YWHAB: variants seen among roughly 807,000 people sequenced by gnomAD.
The protein encoded by YWHAB is 14-3-3 protein beta/alpha.
Under a neutral mutation model 28.5 loss-of-function variants are expected in YWHAB, and 2 were observed. The observed-to-expected ratio is 0.07, with a 90% CI of 0.03 to 0.22. The LOEUF (loss-of-function observed/expected upper bound fraction) is 0.22, where lower values mean the gene tolerates loss of function less well. YWHAB is among the 10% of genes least tolerant of loss of function. The probability of loss-of-function intolerance (pLI) is 1.00; values close to 1 mark genes in which losing one functional copy is unlikely to be tolerated. For synonymous variants in YWHAB, 103 were observed against 104.7 expected, an observed-to-expected ratio of 0.98 and a Z score of 0.10; for missense variants, 148 against 297.1, an observed-to-expected ratio of 0.50 and a Z score of 3.69.
chr20:44,892,530 T>C (rs987075990), intron 1 of YWHAB, among the ~76,000 whole-genome samples: 1 of 152,178 alleles, frequency 6.6e-6, no homozygotes, highest in Non-Finnish European at 1.5e-5. Context: ...TCTTTTAAAT[T>C]CCTCTCAATG....
At chr20:44,902,061 A>G in intron 2 of YWHAB, 2 of 433,938 alleles carry the variant, frequency 4.6e-6, no homozygotes, top group Non-Finnish European at 7.9e-6. Context: ...TATCAAAAAG[A>G]CCTGTGAAAA....
At chr20:44,904,548 G>GT (rs1009205487) in intron 3 of YWHAB, among the ~76,000 whole-genome samples, 2 of 152,112 alleles carry the variant, frequency 1.3e-5, no homozygotes, top group African/African-American at 2.4e-5. Flanking sequence ...TACGAGTTAG[G>GT]TGGCAGGCTG....
intron 1 of YWHAB, 85 bp from the exon 2 acceptor site, chr20:44,901,446 G>T: frequency 7.3e-7 from 1 of 1,365,478 alleles, no homozygotes; most frequent in South Asian, 1.4e-5. Flanking sequence ...CTGCTTTCCA[G>T]ATGGGTTGGA....
Position 44,901,782 on chromosome 20 carries a change from G to C in YWHAB, c.249G>C (p.Glu83Asp). Reference protein sequence around the residue: ...RNEKKQQMGKEYREKIEAELQ... With the variant: ...RNEKKQQMGKDYREKIEAELQ... ...AGAAGAAGCAGCAGATGGGCAAAGA[G>C]TACCGTGAGAAGATAGAGGCAGAAC... is the stretch of plus-strand genomic sequence containing the variant. Residue 83 changes from glutamate to aspartate, a missense_variant, in exon 2 of 6, where the codon GAG becomes GAC. By Grantham distance (45) the Glu-to-Asp change is conservative. This residue lies in a region of YWHAB where 110 missense variants were observed against 177.9 expected (regional missense o/e 0.62). Transcript: ENST00000353703. The C allele has an allele frequency of 6.2e-7, 1 of 1,612,264 alleles. No homozygotes were observed. Among genetic ancestry groups the C allele is most frequent in the East Asian group, 2.2e-5 (1 of 44,846 alleles).
intron 1 of YWHAB, among the ~76,000 whole-genome samples, chr20:44,892,683 A>G (rs972605802): frequency 1.1e-4 from 16 of 152,250 alleles, no homozygotes; most frequent in African/African-American, 3.4e-4. Flanking sequence ...TACTCTAACC[A>G]GCACTATATG....
chr20:44,893,919 A>ACTC (rs1480486785), intron 1 of YWHAB, among the ~76,000 whole-genome samples: 1 of 151,538 alleles, frequency 6.6e-6, no homozygotes, highest in African/African-American at 2.4e-5. Flanking sequence ...CTGGTCTCGA[A>ACTC]CTCCTGACTT....
intron 1 of YWHAB, among the ~76,000 whole-genome samples, chr20:44,890,961 A>G (rs2066557985): frequency 6.6e-6 from 1 of 152,188 alleles, no homozygotes; most frequent in Non-Finnish European, 1.5e-5. Context: ...GAGTACGTGT[A>G]AAATAAATGA....
rs970028449 is a variant in YWHAB, at chr20:44,907,740, G to T, written c.*1302G>T. The T allele has an allele frequency of 3.3e-5, 5 of 152,144 alleles. No individual in the cohort carries two copies. Among genetic ancestry groups the T allele is most frequent in the Non-Finnish European group, 7.3e-5 (5 of 68,036 alleles). 9.4% of individuals were successfully genotyped at this position (152,144 alleles called of 1,614,324 possible). On this transcript the variant is annotated 3_prime_UTR_variant, in exon 6 of 6. Transcript: ENST00000353703. ...GTGAGAGACATTACTGAGCACCTTG[G>T]TGAGCAAGCCTGGCTTTAAAGATTG...
chr20:44,906,526 A>C lies in YWHAB; in HGVS notation c.*88A>C, dbSNP rs1035119422. ...CGATAAAAAAAAAAAAAAAAAAAAA[A>C]AGAGAATCGTACGTCGACTTTCGAT... On this transcript the variant is annotated 3_prime_UTR_variant, in exon 6 of 6. Coordinates refer to ENST00000353703, the MANE Select transcript of YWHAB (RefSeq NM_139323.4). 4 of 613,770 alleles carry C rather than the reference A, an allele frequency of 6.5e-6. No individual in the cohort carries two copies. The East Asian group carries it at 1.0e-4, about 16-fold the overall frequency. The allele number at this position is 613,770 out of a possible 1,614,324, so 38.0% of individuals were successfully genotyped here. A position where few individuals can be genotyped will look rare whatever the true frequency, so the allele number is the denominator to read the frequency against.
intron 1 of YWHAB, among the ~76,000 whole-genome samples, chr20:44,898,443 T>G (rs1476724738): frequency 6.6e-6 from 1 of 152,144 alleles, no homozygotes; most frequent in East Asian, 1.9e-4. Flanking sequence ...ATTTCTCTCT[T>G]GAAAATACAG....
intron 1 of YWHAB, among the ~76,000 whole-genome samples, chr20:44,889,928 G>T (rs1333703167): frequency 6.6e-6 from 1 of 152,082 alleles, no homozygotes; most frequent in Non-Finnish European, 1.5e-5. Flanking sequence ...ATTAATGTTG[G>T]TTTAGATCCC....
intron 1 of YWHAB, among the ~76,000 whole-genome samples, chr20:44,894,654 T>C (rs1568930038): frequency 6.6e-6 from 1 of 152,254 alleles, no homozygotes; most frequent in African/African-American, 2.4e-5. Context: ...TGGAGAAGAA[T>C]AATAGTACTT....
intron 1 of YWHAB, chr20:44,886,517 GC>G (rs1302055470): frequency 5.9e-5 from 9 of 152,238 alleles, no homozygotes; most frequent in African/African-American, 2.2e-4. Context: ...GTTTGTTGGA[GC>G]CGGTTACTGA....
At chr20:44,905,774 A>AG (rs1470579814) in intron 4 of YWHAB, 1 of 436,444 alleles carries the variant, frequency 2.3e-6, no homozygotes, top group Admixed American at 3.7e-5. Context: ...CTTAGTTATT[A>AG]GGTACAGCAA....
intron 3 of YWHAB, 96 bp from the exon 4 acceptor site, chr20:44,904,872 C>T: frequency 1.6e-6 from 2 of 1,268,276 alleles, no homozygotes; most frequent in South Asian, 1.8e-5. Context: ...ATTGCTCCTG[C>T]CCAGTTTGGG....
At chr20:44,890,099 A>G (rs892172882) in intron 1 of YWHAB, among the ~76,000 whole-genome samples, 2 of 152,160 alleles carry the variant, frequency 1.3e-5, no homozygotes, top group Admixed American at 6.5e-5. Flanking sequence ...TATTTTTGTT[A>G]TTTACTAAAC....
intron 1 of YWHAB, among the ~76,000 whole-genome samples, chr20:44,898,034 A>G (rs866295705): frequency 6.6e-6 from 1 of 152,128 alleles, no homozygotes; most frequent in Non-Finnish European, 1.5e-5. Flanking sequence ...CACACGTAGG[A>G]TATTCACAGT....
intron 1 of YWHAB, among the ~76,000 whole-genome samples, chr20:44,893,735 G>T (rs977019929): frequency 6.6e-5 from 7 of 105,938 alleles, no homozygotes; most frequent in East Asian, 6.3e-4. Flanking sequence ...TTTCGCTCTT[G>T]TCGCCCAGGC....
intron 3 of YWHAB, 115 bp downstream of exon 3, chr20:44,904,231 G>C (rs994252881): frequency 2.3e-5 from 30 of 1,316,270 alleles, no homozygotes; most frequent in Non-Finnish European, 3.0e-5. Flanking sequence ...ACAGTACTAA[G>C]AATTTAAAAG....
Sources: allele counts gnomAD v4.1 joint callset (sites outside exome capture counted in the v4.1 genomes callset), GRCh38; gene constraint gnomAD v4.1.1; regional missense constraint gnomAD v4.1.1; transcripts MANE v1.5; gene names NCBI Gene and HGNC (gene_info 2026-07-23, HGNC 2026-07-21).